RORA: variants seen among roughly 807,000 people sequenced by gnomAD.
RORA encodes the protein nuclear receptor ROR-alpha.
In RORA, 7 loss-of-function variants were observed where a neutral mutation model predicts 69.5. The observed-to-expected ratio is 0.10, with a 90% CI of 0.06 to 0.19. RORA has a LOEUF of 0.19. Among genes scored for constraint, RORA ranks in the 10% least tolerant of loss-of-function variants. The pLI is 1.00. For missense variants in RORA, 457 were observed against 663.0 expected (o/e 0.69, Z 3.41); for synonymous variants, 261 against 240.8 (o/e 1.08, Z -0.78).
chr15:61,171,902 C>T (rs553551780), intron 1 of RORA, among the ~76,000 whole-genome samples: 2 of 152,330 alleles, frequency 1.3e-5, no homozygotes, highest in East Asian at 3.9e-4. Flanking sequence ...CAACATCTCA[C>T]CCTGCAGCTC....
intron 2 of RORA, among the ~76,000 whole-genome samples, chr15:60,666,024 A>C (rs1328704179): frequency 3.3e-5 from 5 of 152,094 alleles, no homozygotes; most frequent in African/African-American, 9.7e-5. Context: ...TTTTTGGCCA[A>C]ACTGAAATGA....
rs192099660 is a variant in RORA at position 60,756,310 on chromosome 15, G to A, written c.167-77624C>T. ...CCAGTTATTGTGGCAACTGAATGACGAGGCAATTTAAAATGTTTATTTTTG... is the reference window on the plus strand; with the variant it reads ...CCAGTTATTGTGGCAACTGAATGACAAGGCAATTTAAAATGTTTATTTTTG... On this transcript the variant is annotated intron_variant, in intron 1 of 10. Transcript: ENST00000335670. 9.2e-4 allele frequency among the ~76,000 whole-genome samples: 140 copies of A among 152,304 alleles called. No homozygotes were observed. The Middle Eastern group carries it at 0.01, about 11-fold the overall frequency.
chr15:60,786,741 GC>G (rs1273398126), intron 1 of RORA, among the ~76,000 whole-genome samples: 1 of 152,208 alleles, frequency 6.6e-6, no homozygotes, highest in African/African-American at 2.4e-5. Context: ...TGGTCCTTGG[GC>G]CCTGTCTTGC....
chr15:60,908,035 G>C (rs138528809), intron 1 of RORA, among the ~76,000 whole-genome samples: 1 of 152,294 alleles, frequency 6.6e-6, no homozygotes, highest in Non-Finnish European at 1.5e-5. Flanking sequence ...TGCTCGGAAC[G>C]TCCCGCCTCC....
Position 61,198,706 on chromosome 15 carries a change from T to C in RORA, c.166+30347A>G, listed in dbSNP as rs138992350. ...AAAAAAAAAAGACAACTACTATATA[T>C]ACTGATACCTATTTATTTTCTGGAA... On this transcript the variant is annotated intron_variant, in intron 1 of 10. Transcript: ENST00000335670. Among the ~76,000 whole-genome samples the C allele has an allele frequency of 3.0e-3, 451 of 151,264 alleles. 2 individuals are homozygous for C. Among genetic ancestry groups the C allele is most frequent in the African/African-American group, 0.011 (435 of 41,314 alleles).
chr15:60,769,506 G>A (rs150669848), intron 1 of RORA, among the ~76,000 whole-genome samples: 237 of 152,272 alleles, frequency 1.6e-3, no homozygotes, highest in African/African-American at 5.5e-3. Flanking sequence ...AATTTGGTTA[G>A]GGTTTAGGGG....
At chr15:60,991,819 T>C (rs1490588161) in intron 1 of RORA, among the ~76,000 whole-genome samples, 1 of 151,954 alleles carries the variant, frequency 6.6e-6, no homozygotes, top group African/African-American at 2.4e-5. Flanking sequence ...GGAGGGAAGA[T>C]TGCTTGATCC....
At chr15:61,057,893 T>C (rs2078117385) in intron 1 of RORA, among the ~76,000 whole-genome samples, 1 of 152,118 alleles carries the variant, frequency 6.6e-6, no homozygotes, top group Non-Finnish European at 1.5e-5. Context: ...CCACTACGGA[T>C]GGGGAAGTTT....
intron 1 of RORA, chr15:61,181,444 AC>A (rs2079684848): frequency 6.6e-6 from 1 of 152,204 alleles, no homozygotes; most frequent in African/African-American, 2.4e-5. Context: ...GTAAAAACTC[AC>A]AAAGCAAAAA....
At chr15:61,173,321 G>A (rs1183386344) in intron 1 of RORA, among the ~76,000 whole-genome samples, 1 of 152,210 alleles carries the variant, frequency 6.6e-6, no homozygotes, top group African/African-American at 2.4e-5. Flanking sequence ...CCACTGCACT[G>A]TGCAGCCTGA....
At chr15:61,083,561 C>T (rs866298109) in intron 1 of RORA, among the ~76,000 whole-genome samples, 4 of 151,980 alleles carry the variant, frequency 2.6e-5, no homozygotes, top group African/African-American at 9.7e-5. Flanking sequence ...TTTAAACAGA[C>T]CCAAATAACC....
chr15:60,498,731 C>T (rs890304131), intron 10 of RORA, among the ~76,000 whole-genome samples: 7 of 152,060 alleles, frequency 4.6e-5, no homozygotes, highest in Admixed American at 4.6e-4. Flanking sequence ...GAGTGAAGCT[C>T]CTGACAGGGC....
intron 1 of RORA, among the ~76,000 whole-genome samples, chr15:61,204,280 C>T (rs557712406): frequency 4.6e-5 from 7 of 152,310 alleles, no homozygotes; most frequent in Admixed American, 2.0e-4. Flanking sequence ...TGTCTTCACA[C>T]GAATGTATCC....
chr15:61,211,666 T>C (rs1596075399), intron 1 of RORA, among the ~76,000 whole-genome samples: 1 of 152,178 alleles, frequency 6.6e-6, no homozygotes, highest in African/African-American at 2.4e-5. Flanking sequence ...GGGAGCTCAG[T>C]GATGGCCACA....
At chr15:60,811,741 C>T (rs973314299) in intron 1 of RORA, among the ~76,000 whole-genome samples, 1 of 152,166 alleles carries the variant, frequency 6.6e-6, no homozygotes, top group Non-Finnish European at 1.5e-5. Context: ...ACTAGTCCAT[C>T]TCTGCAGAAC....
At chr15:60,642,288 G>A (rs564801900) in intron 2 of RORA, among the ~76,000 whole-genome samples, 3 of 152,276 alleles carry the variant, frequency 2.0e-5, no homozygotes, top group East Asian at 3.9e-4. Context: ...GGGGATGGTA[G>A]AGACCTGATA....
chr15:60,781,146 G>A (rs548121813), intron 1 of RORA, among the ~76,000 whole-genome samples: 1 of 152,228 alleles, frequency 6.6e-6, no homozygotes, highest in East Asian at 1.9e-4. Context: ...TGCATAGAAG[G>A]TATGCTGAGG....
chr15:61,035,918 A>C (rs1448733553), intron 1 of RORA, among the ~76,000 whole-genome samples: 2 of 152,158 alleles, frequency 1.3e-5, no homozygotes, highest in African/African-American at 4.8e-5. Context: ...TACACAAATA[A>C]ACCAACAAAA....
At chr15:60,946,083 C>A (rs1892862036) in intron 1 of RORA, among the ~76,000 whole-genome samples, 2 of 152,084 alleles carry the variant, frequency 1.3e-5, no homozygotes, top group Non-Finnish European at 2.9e-5. Flanking sequence ...GAGAGTGAAG[C>A]CAAGTGCACC....
Sources: gnomAD v4.1 joint callset for allele counts (sites outside exome capture counted in the v4.1 genomes callset) on GRCh38, gnomAD v4.1.1 for gene constraint, MANE v1.5 for transcripts, NCBI Gene and HGNC (gene_info 2026-07-23, HGNC 2026-07-21) for gene names.